Variants in LMNA observed in about 807,000 individuals in gnomAD.
The protein encoded by LMNA is lamin A/C, also known as lamin.
LMNA carries 20 observed loss-of-function variants against 70.4 expected under a neutral mutation model. The ratio of observed to expected loss-of-function variants is 0.28; its 90% CI spans 0.20 to 0.41. The LOEUF (loss-of-function observed/expected upper bound fraction) is 0.41, where lower values mean the gene tolerates loss of function less well. Among genes scored for constraint, LMNA ranks in the 10% least tolerant of loss-of-function variants. The probability of loss-of-function intolerance (pLI) is 1.00; values close to 1 mark genes in which losing one functional copy is unlikely to be tolerated. For missense variants in LMNA, 652 were observed against 917.2 expected (o/e 0.71, Z 3.73); for synonymous variants, 339 against 372.8 (o/e 0.91, Z 1.04).
At chr1:156,089,541 G>A (rs1045882342) in intron 2 of LMNA, among the ~76,000 whole-genome samples, 6 of 151,080 alleles carry the variant, frequency 4.0e-5, no homozygotes, top group East Asian at 3.9e-4. Flanking sequence ...TGATCTGCCC[G>A]CCTTGGCCTC....
At chr1:156,112,541 C>T (rs1281234318), upstream of LMNA, among the ~76,000 whole-genome samples, 11 of 152,182 alleles carry the variant, frequency 7.2e-5, no homozygotes. Context: ...CCTTCCCTCA[C>T]GTTTCACTGG....
At chr1:156,122,080 G>C (rs778968781) in intron 1 of LMNA, among the ~76,000 whole-genome samples, 14 of 152,058 alleles carry the variant, frequency 9.2e-5, no homozygotes, top group Non-Finnish European at 2.1e-4. Flanking sequence ...ACTCCAGCCA[G>C]GGCGACAGAG....
At chr1:156,127,368 G>A (rs1186631410) in intron 1 of LMNA, among the ~76,000 whole-genome samples, 1 of 152,102 alleles carries the variant, frequency 6.6e-6, no homozygotes, top group East Asian at 1.9e-4. Context: ...CCGTGCCTAA[G>A]AAAACCACAA....
rs202203292 is a variant in LMNA, at chr1:156,136,160, C to G, written c.1157+39C>G. The G allele has an allele frequency of 2.5e-6, 4 of 1,613,000 alleles. No homozygotes were observed. In the East Asian group the frequency reaches 6.7e-5, roughly 27 times the overall value. On this transcript the variant is annotated intron_variant, in intron 6 of 11. Coordinates refer to ENST00000368300, the MANE Select transcript of LMNA (RefSeq NM_170707.4). The surrounding 1 kb of genome is among the most constrained non-coding windows in gnomAD (Gnocchi z 6.1). ...ACGTCGGGGAGGTGCTGGCAGTGTC[C>G]TCTGGCCGGCAACTGGCCTTGACTA... is the stretch of plus-strand genomic sequence containing the variant.
rs776066211 is a variant in LMNA, at chr1:156,138,520, T to C, written c.1731T>C (p.Ala577=). ...GSHCSSSGDP[A]EYNLRSRTVL... The stretch of plus-strand genomic sequence containing the variant: ...ACTGCAGCAGCTCGGGGGACCCCGC[T>C]GAGTACAACCTGCGCTCGCGCACCG... Residue 577 remains alanine, a synonymous_variant, in exon 11 of 12, where the codon GCT becomes GCC. Coordinates refer to ENST00000368300, the MANE Select transcript of LMNA (RefSeq NM_170707.4). The surrounding 1 kb of genome is among the most constrained non-coding windows in gnomAD (Gnocchi z 5.5). The C allele has an allele frequency of 1.7e-5, 28 of 1,612,552 alleles. No individual in the cohort carries two copies. Among genetic ancestry groups the C allele is most frequent in the Non-Finnish European group, 2.3e-5 (27 of 1,179,844 alleles).
intron 3 of LMNA, among the ~76,000 whole-genome samples, chr1:156,098,263 A>AG (rs1397832922): frequency 2.0e-5 from 3 of 152,228 alleles, no homozygotes; most frequent in Non-Finnish European, 4.4e-5. Context: ...GTGAAAGCTG[A>AG]GGCTCATAGA....
At chr1:156,118,083 G>A (rs911305976) in intron 1 of LMNA, among the ~76,000 whole-genome samples, 2 of 150,592 alleles carry the variant, frequency 1.3e-5, no homozygotes, top group African/African-American at 2.4e-5. Context: ...CTCGGCCTCC[G>A]GAAGCACTGG....
At chr1:156,126,690 C>G (rs765618224) in intron 1 of LMNA, 2 of 1,512,882 alleles carry the variant, frequency 1.3e-6, no homozygotes, top group Admixed American at 2.0e-5. Context: ...TTCTTTTCCT[C>G]TCTGTTCCCC....
intron 3 of LMNA, among the ~76,000 whole-genome samples, chr1:156,096,899 A>C (rs1280330085): frequency 1.3e-5 from 2 of 152,176 alleles, no homozygotes; most frequent in Non-Finnish European, 2.9e-5. Context: ...TGGGGTCCTG[A>C]GGCCTGGGTG....
intron 3 of LMNA, among the ~76,000 whole-genome samples, chr1:156,096,275 T>A (rs950986873): frequency 1.1e-4 from 17 of 152,190 alleles, no homozygotes; most frequent in Non-Finnish European, 1.5e-5. Context: ...TCAAGCAGGA[T>A]CCTGTAGGTG....
Position 156,139,775 on chromosome 1 carries a change from A to G in LMNA, c.*669A>G. On this transcript the variant is annotated 3_prime_UTR_variant, in exon 12 of 12. Coordinates refer to ENST00000368300, the MANE Select transcript of LMNA (RefSeq NM_170707.4). ...CTTTTCTGTATTTTATTTAGACAAGAGATGGGAATGAGGTGGGAGGTGGAA... is the reference window on the plus strand; with the variant it reads ...CTTTTCTGTATTTTATTTAGACAAGGGATGGGAATGAGGTGGGAGGTGGAA... The G allele has an allele frequency of 1.3e-6, 2 of 1,534,204 alleles. No homozygotes were observed. The highest frequency in any genetic ancestry group is 2.7e-5 in the African/African-American group (2 of 72,998).
At position 156,139,956 on chromosome 1, in the gene LMNA, G is replaced by A; in HGVS notation, c.*850G>A. The A allele has an allele frequency of 2.1e-6, 2 of 960,302 alleles. No homozygotes were observed. Among genetic ancestry groups the A allele is most frequent in the Non-Finnish European group, 2.9e-6 (2 of 679,508 alleles). The allele number at this position is 960,302 out of a possible 1,614,324, so 59.5% of individuals were successfully genotyped here. The stretch of plus-strand genomic sequence containing the variant: ...AGAGCCTGCTGGCACCCACCGTGGA[G>A]GAGGAAGGCAAGAGGGGGTGGAGGG... On this transcript the variant is annotated 3_prime_UTR_variant, in exon 12 of 12. Transcript: ENST00000368300.
Position 156,135,144 on chromosome 1 carries a change from C to T in LMNA, c.811-43C>T, listed in dbSNP as rs768992495. 12 of 1,613,806 alleles carry T rather than the reference C, an allele frequency of 7.4e-6. No individual in the cohort carries two copies. Among genetic ancestry groups the T allele is most frequent in the Non-Finnish European group, 7.6e-6 (9 of 1,179,940 alleles). ...CCCAACTCAGGCCTGTGCCTCCACC[C>T]CTCCCAGTCACCACAGTCCTAACCC... On this transcript the variant is annotated intron_variant, in intron 4 of 11. Transcript: ENST00000368300. The surrounding 1 kb of genome is among the most constrained non-coding windows in gnomAD (Gnocchi z 4.8).
chr1:156,096,470 A>C (rs965708401), intron 3 of LMNA, among the ~76,000 whole-genome samples: 1 of 152,258 alleles, frequency 6.6e-6, no homozygotes. Flanking sequence ...TGCTTAATAA[A>C]TGTTGGTGAT....
chr1:156,137,088 G>T lies in LMNA; in HGVS notation c.1489-25G>T. On this transcript the variant is annotated intron_variant, in intron 8 of 11. Coordinates refer to ENST00000368300, the MANE Select transcript of LMNA (RefSeq NM_170707.4). The surrounding 1 kb of genome is among the most constrained non-coding windows in gnomAD (Gnocchi z 4.6). ...CTTGGGTGGCGATGGGAGCGCTGGG[G>T]TAAGTGTCCTTTTCTCCTCTCCAGA... The T allele has an allele frequency of 1.9e-6, 3 of 1,614,072 alleles. No homozygotes were observed. Among genetic ancestry groups the T allele is most frequent in the Non-Finnish European group, 2.5e-6 (3 of 1,179,970 alleles).
intron 1 of LMNA, among the ~76,000 whole-genome samples, chr1:156,120,224 C>G (rs1281965009): frequency 6.6e-6 from 1 of 152,240 alleles, no homozygotes; most frequent in African/African-American, 2.4e-5. Context: ...CACAGAGGCA[C>G]AGATGCTTGT....
intron 1 of LMNA, chr1:156,126,967 A>T (rs1380519559): frequency 6.7e-7 from 1 of 1,499,456 alleles, no homozygotes; most frequent in African/African-American, 1.4e-5. Flanking sequence ...GTGCCTGAGC[A>T]TGAGTCACCT....
Position 156,115,560 on chromosome 1 carries a change from G to A in LMNA, c.356+286G>A, listed in dbSNP as rs1262184601. ...TGGGGCTGGGGCCGGCCTGAATTCG[G>A]TCAGATTGGGATTTGCCAACTATTT... is the stretch of plus-strand genomic sequence containing the variant. On this transcript the variant is annotated intron_variant, in intron 1 of 11. Transcript: ENST00000368300. The surrounding 1 kb of genome is among the most constrained non-coding windows in gnomAD (Gnocchi z 5.8). Among the ~76,000 whole-genome samples, 1 of 152,212 alleles carries A rather than the reference G, an allele frequency of 6.6e-6. No individual in the cohort carries two copies. The highest frequency in any genetic ancestry group is 1.5e-5 in the Non-Finnish European group (1 of 68,034).
At chr1:156,131,526 G>A (rs1651062308) in intron 2 of LMNA, among the ~76,000 whole-genome samples, 1 of 152,128 alleles carries the variant, frequency 6.6e-6, no homozygotes, top group Admixed American at 6.5e-5. Flanking sequence ...AGAGGTCGAG[G>A]ATACAGTGAG....
Sources: gnomAD v4.1 joint callset for allele counts (sites outside exome capture counted in the v4.1 genomes callset) on GRCh38, gnomAD v4.1.1 for gene constraint, Gnocchi (gnomAD v3.1) non-coding constraint, MANE v1.5 for transcripts, NCBI Gene and HGNC (gene_info 2026-07-23, HGNC 2026-07-21) for gene names.